ZNF92: variants seen among roughly 807,000 people sequenced by gnomAD.
ZNF92 encodes the protein epididymis luminal protein 203.
In ZNF92, 11 loss-of-function variants were observed where a neutral mutation model predicts 12.4. The observed-to-expected ratio is 0.89, with a 90% CI of 0.56 to 1.47. The LOEUF (loss-of-function observed/expected upper bound fraction) is 1.47. Among genes scored for constraint, ZNF92 ranks in the 40% most tolerant of loss-of-function variants. ZNF92 has a pLI of 0.00. For synonymous variants in ZNF92, 206 were observed against 228.6 expected (o/e 0.90, Z 0.89); for missense variants, 622 against 681.0 (o/e 0.91, Z 0.96).
At position 65,400,553 on chromosome 7, in the gene ZNF92, A is replaced by AAG. The variant is rs1364008469; in HGVS notation, c.*679_*680dup. 6.6e-6 allele frequency: 1 copy of AAG among 152,050 alleles called. No individual in the cohort carries two copies. The highest frequency in any genetic ancestry group is 6.5e-5 in the Admixed American group (1 of 15,274). The allele number at this position is 152,050 out of a possible 1,614,324, so 9.4% of individuals were successfully genotyped here. On this transcript the variant is annotated 3_prime_UTR_variant, in exon 4 of 4. Transcript: ENST00000328747. ...ATTCACAGTAGAAATCATAAGGCAT[A>AAG]AGGCACTGATACTTCAGACATTACA...
chr7:65,396,554 C>T (rs1793851341), intron 3 of ZNF92, among the ~76,000 whole-genome samples: 1 of 152,010 alleles, frequency 6.6e-6, no homozygotes, highest in Non-Finnish European at 1.5e-5. Context: ...TTTGATGCTC[C>T]ATCATTATGA....
At chr7:65,374,125 T>A in intron 1 of ZNF92, 125 bp downstream of exon 1, 2 of 1,346,046 alleles carry the variant, frequency 1.5e-6, no homozygotes, top group South Asian at 1.2e-5. Context: ...CGAGTTCTCC[T>A]TGGCGCAGCT....
chr7:65,396,603 T>C (rs1793852240), intron 3 of ZNF92, among the ~76,000 whole-genome samples: 1 of 152,182 alleles, frequency 6.6e-6, no homozygotes, highest in African/African-American at 2.4e-5. Flanking sequence ...TTACATTTAA[T>C]AGAGAGCTTT....
At chr7:65,394,256 C>G (rs1204412432) in intron 3 of ZNF92, among the ~76,000 whole-genome samples, 1 of 151,992 alleles carries the variant, frequency 6.6e-6, no homozygotes, top group East Asian at 1.9e-4. Flanking sequence ...AGGAAAGGAT[C>G]AAACTTTATA....
Position 65,387,894 on chromosome 7 carries a change from T to C in ZNF92, c.4-8T>C. On this transcript the variant is annotated splice_region_variant and splice_polypyrimidine_tract_variant and intron_variant, in intron 1 of 3. Transcript: ENST00000328747. ...ATGTGTGTTTGTGTGTGTGTGTGTG[T>C]TTTTCAGGGACCACTGACATTTAGG... The C allele has an allele frequency of 6.3e-7, 1 of 1,595,888 alleles. No individual in the cohort carries two copies. Among genetic ancestry groups the C allele is most frequent in the Non-Finnish European group, 8.5e-7 (1 of 1,171,750 alleles).
intron 1 of ZNF92, among the ~76,000 whole-genome samples, chr7:65,385,886 G>A (rs940021380): frequency 7.9e-5 from 12 of 152,108 alleles, no homozygotes; most frequent in African/African-American, 2.9e-4. Flanking sequence ...CAGATCAAGA[G>A]CTGTGTCCAC....
At chr7:65,379,162 A>G (rs1291980691) in intron 1 of ZNF92, among the ~76,000 whole-genome samples, 1 of 152,150 alleles carries the variant, frequency 6.6e-6, no homozygotes, top group Non-Finnish European at 1.5e-5. Flanking sequence ...AGCTAAGAAG[A>G]ATAGATGGAC....
rs151046751 is a variant in ZNF92 at position 65,388,167 on chromosome 7, A to G, written c.130+139A>G. On this transcript the variant is annotated intron_variant, in intron 2 of 3. Coordinates refer to ENST00000328747, the MANE Select transcript of ZNF92 (RefSeq NM_152626.4). The stretch of plus-strand genomic sequence containing the variant: ...TTCAAGAAAACAGAGATTTGTCAGT[A>G]TAGAAAAGAACTTCTTCAAGATGTT... The G allele has an allele frequency of 3.0e-4, 287 of 941,976 alleles. 2 individuals are homozygous for G. The African/African-American group carries it at 4.5e-3, about 15-fold the overall frequency. 58.4% of individuals were successfully genotyped at this position (941,976 alleles called of 1,614,324 possible). A position where few individuals can be genotyped will look rare whatever the true frequency, so the allele number is the denominator to read the frequency against.
In ZNF92 at chr7:65,399,315, G is replaced by T; in HGVS notation, c.1201G>T (p.Glu401Ter). ...GGGAGAAAAACCCTACAAATGTGAA[G>T]AATGTGGCAAAGCTTTTAAACAGTC... ...HTGEKPYKCE[E>*]CGKAFKQSST... is the part of the protein sequence containing the mutation. Residue 401 changes from glutamate (E) to a stop codon, truncating the protein, a stop_gained, in exon 4 of 4, where the codon GAA (glutamate) becomes TAA (stop). Coordinates refer to ENST00000328747, the MANE Select transcript of ZNF92 (RefSeq NM_152626.4). LOFTEE classifies it low-confidence loss of function (END_TRUNC). The T allele has an allele frequency of 6.2e-7, 1 of 1,612,750 alleles. No individual in the cohort carries two copies. Among genetic ancestry groups the T allele is most frequent in the Non-Finnish European group, 8.5e-7 (1 of 1,179,468 alleles).
At position 65,373,885 on chromosome 7, in the gene ZNF92, A is replaced by T. The variant is rs776491079; in HGVS notation, c.-113A>T. On this transcript the variant is annotated 5_prime_UTR_variant, in exon 1 of 4. Transcript: ENST00000328747. The stretch of plus-strand genomic sequence containing the variant: ...TCGCTGCAGCCGGCGCTCCACGTCT[A>T]GTCTTCACTGCTCTGCGTCCTGTGC... 7 of 1,455,394 alleles carry T rather than the reference A, an allele frequency of 4.8e-6. No individual in the cohort carries two copies. In the African/African-American group the frequency reaches 8.4e-5, roughly 17 times the overall value. 90.2% of individuals were successfully genotyped at this position (1,455,394 alleles called of 1,614,324 possible). A position where few individuals can be genotyped will look rare whatever the true frequency, so the allele number is the denominator to read the frequency against.
At chr7:65,377,705 T>TTC (rs1793284872) in intron 1 of ZNF92, among the ~76,000 whole-genome samples, 1 of 151,948 alleles carries the variant, frequency 6.6e-6, no homozygotes, top group Non-Finnish European at 1.5e-5. Flanking sequence ...TAGCTGGGAC[T>TTC]ACAGGCTCGT....
rs1451291641 is a variant in ZNF92, at chr7:65,400,328, G to A, written c.*453G>A. On this transcript the variant is annotated 3_prime_UTR_variant, in exon 4 of 4. Transcript: ENST00000328747. ...TTTTGTACCAGAGGAAAACCCTAAA[G>A]CATTAGTTGCTCAAACTTTGTTCGA... 6.6e-6 allele frequency: 1 copy of A among 152,110 alleles called. No individual in the cohort carries two copies. Among genetic ancestry groups the A allele is most frequent in the African/African-American group, 2.4e-5 (1 of 41,358 alleles). 9.4% of individuals were successfully genotyped at this position (152,110 alleles called of 1,614,324 possible).
chr7:65,398,032 T>C (rs1395094280), intron 3 of ZNF92, among the ~76,000 whole-genome samples: 2 of 152,154 alleles, frequency 1.3e-5, no homozygotes, highest in African/African-American at 2.4e-5. Flanking sequence ...CTGAAGACAC[T>C]AGGTTATTGA....
chr7:65,394,184 A>G (rs958655639), intron 3 of ZNF92, among the ~76,000 whole-genome samples: 27 of 152,050 alleles, frequency 1.8e-4, no homozygotes, highest in African/African-American at 6.5e-4. Flanking sequence ...TGTTCCTAAG[A>G]GATTTGTTAG....
intron 1 of ZNF92, among the ~76,000 whole-genome samples, chr7:65,376,841 C>A (rs1435301487): frequency 1.3e-5 from 2 of 152,052 alleles, no homozygotes; most frequent in Non-Finnish European, 2.9e-5. Context: ...ATCTCTCTTC[C>A]ATTTTGGCTG....
intron 3 of ZNF92, among the ~76,000 whole-genome samples, chr7:65,394,651 T>C (rs761562965): frequency 3.3e-5 from 5 of 152,108 alleles, no homozygotes; most frequent in Admixed American, 6.6e-5. Flanking sequence ...AAATGAAGTT[T>C]TTTTGTTTGT....
At position 65,398,564 on chromosome 7, in the gene ZNF92, T is replaced by C; in HGVS notation, c.450T>C (p.Tyr150=). The C allele has an allele frequency of 1.2e-6, 2 of 1,608,882 alleles. No individual in the cohort carries two copies. Among genetic ancestry groups the C allele is most frequent in the Non-Finnish European group, 1.7e-6 (2 of 1,178,420 alleles). The part of the protein sequence containing the change: ...TDSKIFQCDK[Y]VKVFHKFPNV... ...GCAAGATATTTCAGTGTGATAAATA[T>C]GTGAAAGTCTTTCATAAATTTCCAA... Residue 150 remains tyrosine, a synonymous_variant, in exon 4 of 4, where the codon TAT becomes TAC. Transcript: ENST00000328747.
chr7:65,385,220 AGT>A (rs988370960), intron 1 of ZNF92, among the ~76,000 whole-genome samples: 1 of 152,112 alleles, frequency 6.6e-6, no homozygotes, highest in Admixed American at 6.6e-5. Context: ...CATTACATAG[AGT>A]GGGGCCAAAA....
rs1793936289 is a variant in ZNF92 at position 65,399,175 on chromosome 7, C to T, written c.1061C>T (p.Ser354Leu). The T allele has an allele frequency of 6.2e-7, 1 of 1,613,300 alleles. No individual in the cohort carries two copies. The highest frequency in any genetic ancestry group is 1.3e-5 in the African/African-American group (1 of 74,848). The change falls in exon 4 of 4, where the codon TCA (serine) becomes TTA (leucine). Residue 354 changes from serine (S) to leucine (L), a missense_variant. By Grantham distance (145) the Ser-to-Leu change is moderately radical. Transcript: ENST00000328747. ...EECGKAFNQF[S>L]NLTKHKIIHT... ...TGTGGCAAAGCCTTTAACCAGTTCT[C>T]AAACCTTACTAAACATAAGATAATT...
Sources: gnomAD v4.1 joint callset for allele counts (sites outside exome capture counted in the v4.1 genomes callset) on GRCh38, gnomAD v4.1.1 for gene constraint, MANE v1.5 for transcripts, NCBI Gene and HGNC (gene_info 2026-07-23, HGNC 2026-07-21) for gene names.